COL4A6: variants seen among roughly 807,000 people sequenced by gnomAD.
COL4A6 encodes the protein collagen alpha-6(IV) chain.
Under a neutral mutation model 126.7 loss-of-function variants are expected in COL4A6, and 59 were observed. The observed-to-expected ratio is 0.47, with a 90% CI of 0.38 to 0.58. The LOEUF (loss-of-function observed/expected upper bound fraction) is 0.58, where lower values mean the gene tolerates loss of function less well. COL4A6 is among the 20% of genes least tolerant of loss of function. COL4A6 has a pLI of 0.00. For synonymous variants in COL4A6, 547 were observed against 496.6 expected (o/e 1.10, Z -1.35); for missense variants, 1,285 against 1,337.3 (o/e 0.96, Z 0.61).
At chrX:108,305,158 T>C (rs1322255869) in intron 3 of COL4A6, among the ~76,000 whole-genome samples, 1 of 111,802 alleles carries the variant, frequency 8.9e-6, no homozygotes, top group Admixed American at 9.5e-5. Flanking sequence ...GTGAAATCTG[T>C]GCTCAGTTTT....
intron 8 of COL4A6, among the ~76,000 whole-genome samples, chrX:108,206,988 C>A (rs2035563373): frequency 9.0e-6 from 1 of 111,422 alleles, no homozygotes; most frequent in African/African-American, 3.3e-5. Flanking sequence ...CAGGAGGGAA[C>A]TTTCTGAGGT....
At chrX:108,305,793 C>T (rs1305501766) in intron 3 of COL4A6, among the ~76,000 whole-genome samples, 1 of 111,575 alleles carries the variant, frequency 9.0e-6, no homozygotes, top group Non-Finnish European at 1.9e-5. Context: ...CTTGTTGATG[C>T]CATTTGTTGT....
chrX:108,289,241 T>TTGTG (rs2038092496), intron 3 of COL4A6, among the ~76,000 whole-genome samples: 1 of 82,711 alleles, frequency 1.2e-5, no homozygotes, highest in South Asian at 7.0e-4. Context: ...GCAATGAGTA[T>TTGTG]AGTGTGTGTG....
chrX:108,411,430 G>T (rs1268655952), intron 2 of COL4A6, among the ~76,000 whole-genome samples: 1 of 111,799 alleles, frequency 8.9e-6, no homozygotes, highest in Admixed American at 9.5e-5. Context: ...GGTGTGTGGG[G>T]CCTGTGTACA....
At chrX:108,374,853 A>G (rs187894703) in intron 2 of COL4A6, among the ~76,000 whole-genome samples, 336 of 112,399 alleles carry the variant, frequency 3.0e-3, no homozygotes, top group African/African-American at 0.011. Flanking sequence ...TGTTATCGGC[A>G]CTTGGCAGAA....
chrX:108,255,181 G>T (rs1375290581), intron 3 of COL4A6, among the ~76,000 whole-genome samples: 1 of 64,984 alleles, frequency 1.5e-5, no homozygotes, highest in Non-Finnish European at 2.9e-5. Context: ...AGTCCCACAG[G>T]GGGCAAAAAA....
At chrX:108,375,562 G>T (rs1381073392) in intron 2 of COL4A6, among the ~76,000 whole-genome samples, 2 of 110,540 alleles carry the variant, frequency 1.8e-5, no homozygotes, top group African/African-American at 3.3e-5. Context: ...TTTTCTCCTG[G>T]AATCTTAATA....
At position 108,192,524 on chromosome X, in the gene COL4A6, T is replaced by C; in HGVS notation, c.1129A>G (p.Ile377Val). The change falls in exon 18 of 45, where the codon ATC (isoleucine) becomes GTC (valine). Residue 377 changes from isoleucine to valine, a missense_variant. Physicochemically the swap from Ile to Val is conservative, Grantham distance 29. Coordinates refer to ENST00000334504, the MANE Select transcript of COL4A6 (RefSeq NM_033641.4). ...CCAGAAGGGCCACGTAGGCCTTGGA[T>C]GCCTTCATCTCCTTTAAGGCCTGGG... Reference protein sequence around the residue: ...GLPGLKGDEGIQGLRGPSGVP... With the variant: ...GLPGLKGDEGVQGLRGPSGVP... 3 of 1,209,771 alleles carry C rather than the reference T, an allele frequency of 2.5e-6. 1 individual carries two copies. The highest frequency in any genetic ancestry group is 3.4e-6 in the Non-Finnish European group (3 of 894,376).
intron 25 of COL4A6, 104 bp from the exon 26 acceptor site, chrX:108,179,542 T>A: frequency 1.7e-6 from 1 of 598,539 alleles, no homozygotes; most frequent in Non-Finnish European, 2.6e-6. Flanking sequence ...GCTAACATAT[T>A]AATAATATAT....
intron 2 of COL4A6, among the ~76,000 whole-genome samples, chrX:108,407,357 AG>A (rs1039732102): frequency 2.7e-5 from 3 of 112,279 alleles, no homozygotes; most frequent in Non-Finnish European, 5.6e-5. Flanking sequence ...CTCTTGATTC[AG>A]GGGATAATTT....
intron 3 of COL4A6, among the ~76,000 whole-genome samples, chrX:108,225,817 C>T (rs921051433): frequency 3.5e-5 from 4 of 112,728 alleles, no homozygotes; most frequent in African/African-American, 9.7e-5. Flanking sequence ...TTTATACCTC[C>T]GTTAAGGTTC....
At chrX:108,423,620 C>T (rs1204934671) in intron 2 of COL4A6, among the ~76,000 whole-genome samples, 1 of 111,631 alleles carries the variant, frequency 9.0e-6, no homozygotes, top group East Asian at 2.8e-4. Context: ...TTATTAATAA[C>T]ATGATTATTA....
At chrX:108,265,650 T>C (rs1195445696) in intron 3 of COL4A6, among the ~76,000 whole-genome samples, 1 of 110,237 alleles carries the variant, frequency 9.1e-6, no homozygotes, top group East Asian at 2.9e-4. Context: ...AAAGAAACAG[T>C]TGATGAAACA....
At chrX:108,191,167 C>T (rs1485201648) in intron 19 of COL4A6, among the ~76,000 whole-genome samples, 1 of 112,050 alleles carries the variant, frequency 8.9e-6, no homozygotes, top group African/African-American at 3.2e-5. Context: ...GCATTAGGCC[C>T]TAGTTTGCTT....
rs1469774465 is a variant in COL4A6 at position 108,191,521 on chromosome X, G to T, written c.1193C>A (p.Ala398Asp). Residue 398 changes from alanine to aspartate, a missense_variant, in exon 19 of 45, where the codon GCC becomes GAC. By Grantham distance (126) the Ala-to-Asp change is moderately radical. Transcript: ENST00000334504. ...GLPALSGVPG[A>D]LGPQGFPGLK... ...CCCTGGAAATCCCTGAGGCCCTAGG[G>T]CTCCTGGGACACCTGGAAGAATAAG... 1 of 1,208,281 alleles carries T rather than the reference G, an allele frequency of 8.3e-7. No homozygotes were observed. The highest frequency in any genetic ancestry group is 1.7e-5 in the African/African-American group (1 of 57,572).
intron 3 of COL4A6, among the ~76,000 whole-genome samples, chrX:108,231,327 A>AT (rs1481882995): frequency 7.9e-4 from 89 of 112,247 alleles, no homozygotes; most frequent in African/African-American, 2.7e-3. Flanking sequence ...TCCACTGGTT[A>AT]TTGTCAGCAT....
chrX:108,403,247 T>G (rs1441561149), intron 2 of COL4A6, among the ~76,000 whole-genome samples: 1 of 84,919 alleles, frequency 1.2e-5, no homozygotes, highest in African/African-American at 5.3e-5. Flanking sequence ...TCTCTCTCTC[T>G]CTCTCTCTCT....
At chrX:108,162,148 G>A (rs768296384) in intron 41 of COL4A6, among the ~76,000 whole-genome samples, 1 of 111,789 alleles carries the variant, frequency 8.9e-6, no homozygotes, top group East Asian at 2.8e-4. Flanking sequence ...TCAGGAGTTC[G>A]AGACCAGCCT....
chrX:108,311,276 C>T (rs762041122), intron 2 of COL4A6, among the ~76,000 whole-genome samples: 6 of 111,908 alleles, frequency 5.4e-5, no homozygotes, highest in East Asian at 2.8e-4. Context: ...ACTCTGCTCT[C>T]GGAATTGTTC....
Sources: gnomAD v4.1 joint callset for allele counts (sites outside exome capture counted in the v4.1 genomes callset) on GRCh38, gnomAD v4.1.1 for gene constraint, MANE v1.5 for transcripts, NCBI Gene and HGNC (gene_info 2026-07-23, HGNC 2026-07-21) for gene names.